The following TMEM178B variants were observed in gnomAD, a reference collection of about 807,000 sequenced individuals.
TMEM178B encodes the protein transmembrane protein 178B.
TMEM178B carries 5 observed loss-of-function variants against 31.0 expected under a neutral mutation model. The ratio of observed to expected loss-of-function variants is 0.16; its 90% CI spans 0.08 to 0.34. The LOEUF (loss-of-function observed/expected upper bound fraction) is 0.34. Among genes scored for constraint, TMEM178B ranks in the 10% least tolerant of loss-of-function variants. The pLI is 1.00. For missense variants in TMEM178B, 275 were observed against 400.3 expected, an observed-to-expected ratio of 0.69 and a Z score of 2.67; for synonymous variants, 164 against 164.0, an observed-to-expected ratio of 1.00 and a Z score of 0.00.
intron 2 of TMEM178B, among the ~76,000 whole-genome samples, chr7:141,277,708 C>T (rs952739375): frequency 2.0e-5 from 3 of 152,082 alleles, no homozygotes; most frequent in African/African-American, 7.2e-5. Context: ...TTTTGCAGCT[C>T]GTGACTGTGT....
chr7:141,107,816 C>A (rs1033014007), intron 1 of TMEM178B, among the ~76,000 whole-genome samples: 10 of 152,002 alleles, frequency 6.6e-5, no homozygotes, highest in Non-Finnish European at 4.4e-5. Flanking sequence ...GATGAGATCA[C>A]CAAGGGAGGG....
At chr7:141,314,718 G>A (rs1798972415) in intron 2 of TMEM178B, among the ~76,000 whole-genome samples, 1 of 152,024 alleles carries the variant, frequency 6.6e-6, no homozygotes, top group African/African-American at 2.4e-5. Context: ...CTTTATGACT[G>A]CTCCTTCTCT....
At chr7:141,503,267 A>G in the TMEM178B span, among the ~76,000 whole-genome samples, 257 of 152,338 alleles carry the variant, frequency 1.7e-3, 1 homozygote, top group African/African-American at 5.9e-3. Flanking sequence ...CAAGCCCACA[A>G]GTAGTGCTAT....
At chr7:141,319,590 T>C (rs1799063983) in intron 2 of TMEM178B, among the ~76,000 whole-genome samples, 1 of 152,186 alleles carries the variant, frequency 6.6e-6, no homozygotes, top group Non-Finnish European at 1.5e-5. Context: ...TCTCACTCTA[T>C]TGCCCAGGCT....
chr7:141,184,316 G>C (rs1403176117), intron 1 of TMEM178B, among the ~76,000 whole-genome samples: 1 of 152,180 alleles, frequency 6.6e-6, no homozygotes, highest in Non-Finnish European at 1.5e-5. Flanking sequence ...TTTTAAGCCT[G>C]ATTTTCAGTC....
chr7:141,435,314 G>A (rs10224927), intron 2 of TMEM178B, among the ~76,000 whole-genome samples: 39,897 of 152,144 alleles, frequency 0.26, 5,471 homozygotes, highest in South Asian at 0.4. Context: ...CCCTTACAGG[G>A]AAACCTTCTT....
rs142743206 is a variant in TMEM178B at position 141,278,672 on chromosome 7, G to A, written c.496+65968G>A. The stretch of plus-strand genomic sequence containing the variant: ...GGGAAGTGAAGGGTCTAGAAATCAT[G>A]TTGAGTAAGGAGCAATTCCATCATT... On this transcript the variant is annotated intron_variant, in intron 2 of 3. Coordinates refer to ENST00000565468, the MANE Select transcript of TMEM178B (RefSeq NM_001195278.2). Among the ~76,000 whole-genome samples, 111 of 152,316 alleles carry A rather than the reference G, an allele frequency of 7.3e-4. 1 individual carries two copies. The highest frequency in any genetic ancestry group is 2.6e-3 in the African/African-American group (108 of 41,574).
chr7:141,156,194 A>G (rs1372201718), intron 1 of TMEM178B, among the ~76,000 whole-genome samples: 2 of 152,224 alleles, frequency 1.3e-5, no homozygotes, highest in African/African-American at 4.8e-5. Flanking sequence ...TTGCTCTGCC[A>G]ATAACCAGCT....
intron 1 of TMEM178B, among the ~76,000 whole-genome samples, chr7:141,173,440 G>A (rs1392791061): frequency 3.3e-5 from 5 of 152,152 alleles, no homozygotes; most frequent in Admixed American, 6.5e-5. Context: ...CCCTGACCAC[G>A]CTGCCTCCAA....
chr7:141,096,525 T>C (rs1041977407), intron 1 of TMEM178B, among the ~76,000 whole-genome samples: 8 of 152,172 alleles, frequency 5.3e-5, no homozygotes, highest in African/African-American at 1.9e-4. Flanking sequence ...TGGTGGCCAA[T>C]TGGACTTTAG....
Position 141,288,454 on chromosome 7 carries a change from AAGCAG to A in TMEM178B, c.496+75755_496+75759del, listed in dbSNP as rs200797981. ...CTCCTTAGCTTCTACCTACAAAGAT[AAGCAG>A]AGCATCCCTGTCCGGAAAAAAATGA... On this transcript the variant is annotated intron_variant, in intron 2 of 3. Transcript: ENST00000565468. Among the ~76,000 whole-genome samples, 938 of 151,734 alleles carry A rather than the reference AAGCAG, an allele frequency of 6.2e-3. 11 individuals carry two copies. Among genetic ancestry groups the A allele is most frequent in the African/African-American group, 0.022 (899 of 41,322 alleles).
rs150688461 is a variant in TMEM178B, at chr7:141,419,202, G to A, written c.497-18406G>A. On this transcript the variant is annotated intron_variant, in intron 2 of 3. Transcript: ENST00000565468. ...TGGGATTATAGTCGTGAGGCACCGC[G>A]GCTGGCCCCGTCCTTGCTTTCCATC... 2.3e-3 allele frequency among the ~76,000 whole-genome samples: 357 copies of A among 152,172 alleles called. 3 individuals are homozygous for A. The highest frequency in any genetic ancestry group is 8.0e-3 in the African/African-American group (334 of 41,510).
intron 1 of TMEM178B, among the ~76,000 whole-genome samples, chr7:141,133,771 C>A (rs1217951220): frequency 1.3e-5 from 2 of 152,130 alleles, no homozygotes. Context: ...AGAAGATCTT[C>A]CCCAAGGCAG....
intron 2 of TMEM178B, among the ~76,000 whole-genome samples, chr7:141,305,859 T>C: frequency 6.6e-6 from 1 of 152,306 alleles, no homozygotes; most frequent in East Asian, 1.9e-4. Flanking sequence ...GTCCTCCTGC[T>C]CTTTTCCACA....
intron 2 of TMEM178B, among the ~76,000 whole-genome samples, chr7:141,267,223 C>T (rs778547185): frequency 2.6e-5 from 4 of 152,216 alleles, no homozygotes; most frequent in Non-Finnish European, 5.9e-5. Flanking sequence ...GGGTCCTCTA[C>T]GTACCTCAAA....
chr7:141,429,129 A>G (rs1356288902), intron 2 of TMEM178B, among the ~76,000 whole-genome samples: 1 of 152,200 alleles, frequency 6.6e-6, no homozygotes, highest in Non-Finnish European at 1.5e-5. Context: ...AAAACTAAAA[A>G]TAGAACTGCC....
intron 2 of TMEM178B, among the ~76,000 whole-genome samples, chr7:141,308,221 G>T (rs531862177): frequency 1.3e-5 from 2 of 152,312 alleles, no homozygotes; most frequent in South Asian, 4.1e-4. Context: ...TGCCTACTAT[G>T]AAGTGGAACT....
At chr7:141,076,576 A>G (rs984905667) in intron 1 of TMEM178B, among the ~76,000 whole-genome samples, 3 of 152,170 alleles carry the variant, frequency 2.0e-5, no homozygotes, top group African/African-American at 7.2e-5. Flanking sequence ...CAGTCTGACT[A>G]GAAAGGTTGA....
chr7:141,437,595 T>C lies in TMEM178B; in HGVS notation c.497-13T>C, dbSNP rs1801570362. 6 of 1,535,858 alleles carry C rather than the reference T, an allele frequency of 3.9e-6. No homozygotes were observed. The East Asian group carries it at 1.2e-4, about 31-fold the overall frequency. ...GCTCTGCTGCTGACTGTTGCTCGCC[T>C]GCTTCCCCACAGACCTGCGCAGAAT... On this transcript the variant is annotated splice_polypyrimidine_tract_variant and intron_variant, in intron 2 of 3. Transcript: ENST00000565468.
Sources: gnomAD v4.1 joint callset for allele counts (sites outside exome capture counted in the v4.1 genomes callset) on GRCh38, gnomAD v4.1.1 for gene constraint, MANE v1.5 for transcripts, NCBI Gene and HGNC (gene_info 2026-07-23, HGNC 2026-07-21) for gene names.